LUC7L2: variants seen among roughly 807,000 people sequenced by gnomAD.
LUC7L2 encodes putative RNA-binding protein Luc7-like 2.
Under a neutral mutation model 52.8 loss-of-function variants are expected in LUC7L2, and 25 were observed. The ratio of observed to expected loss-of-function variants is 0.47; its 90% CI spans 0.34 to 0.66. The LOEUF (loss-of-function observed/expected upper bound fraction) is 0.66, where lower values mean the gene tolerates loss of function less well. Ranked by LOEUF, LUC7L2 falls within the 30% of genes least tolerant of loss-of-function variation. The pLI is 0.01. For synonymous variants in LUC7L2, 144 were observed against 160.9 expected (o/e 0.89, Z 0.80); for missense variants, 328 against 497.8 (o/e 0.66, Z 3.25).
rs117320642 is a variant in LUC7L2 at position 139,376,828 on chromosome 7, G to A, written c.156+672G>A. On this transcript the variant is annotated intron_variant, in intron 2 of 9. Transcript: ENST00000354926. ...CATAGTTGCATCTGATGCTGGTGGG[G>A]AGCTAGTAGGGGCTAAACCTCGAGC... Among the ~76,000 whole-genome samples, 996 of 152,296 alleles carry A rather than the reference G, an allele frequency of 6.5e-3. 9 individuals are homozygous for A. The highest frequency in any genetic ancestry group is 0.012 in the Non-Finnish European group (815 of 68,018).
intron 2 of LUC7L2, chr7:139,392,475 C>G (rs1296091641): frequency 7.4e-6 from 3 of 406,722 alleles, no homozygotes; most frequent in African/African-American, 4.2e-5. Context: ...TTACCAGGAT[C>G]AGGTATAGTT....
Position 139,423,365 on chromosome 7 carries a change from C to G in LUC7L2, c.*1025C>G, listed in dbSNP as rs536000978. 2.5e-6 allele frequency: 1 copy of G among 398,842 alleles called. No individual in the cohort carries two copies. The highest frequency in any genetic ancestry group is 3.6e-5 in the East Asian group (1 of 28,072). 24.7% of individuals were successfully genotyped at this position (398,842 alleles called of 1,614,324 possible). A position where few individuals can be genotyped will look rare whatever the true frequency, so the allele number is the denominator to read the frequency against. ...CCACTTCAGGGTTGTTTGTAATGAC[C>G]GTTATAGAGAAGGGCTCGACCTGCA... On this transcript the variant is annotated 3_prime_UTR_variant, in exon 10 of 10. Transcript: ENST00000354926.
intron 2 of LUC7L2, among the ~76,000 whole-genome samples, chr7:139,389,123 T>G (rs1794322834): frequency 1.3e-5 from 2 of 152,056 alleles, no homozygotes; most frequent in Non-Finnish European, 2.9e-5. Flanking sequence ...TCTTCTAATT[T>G]GACCCCAGTG....
chr7:139,414,053 T>C (rs1437810292), intron 8 of LUC7L2, among the ~76,000 whole-genome samples: 1 of 152,226 alleles, frequency 6.6e-6, no homozygotes, highest in African/African-American at 2.4e-5. Flanking sequence ...GCCAGAAATT[T>C]AATTTCTATT....
chr7:139,359,698 G>T (rs917774368), upstream of LUC7L2: 4 of 398,122 alleles, frequency 1.0e-5, no homozygotes, highest in Non-Finnish European at 1.8e-5. Context: ...GCGCCTCGGG[G>T]CGGATCCGGC....
At chr7:139,377,449 G>A (rs778502922) in intron 2 of LUC7L2, among the ~76,000 whole-genome samples, 1 of 151,438 alleles carries the variant, frequency 6.6e-6, no homozygotes, top group South Asian at 2.1e-4. Context: ...GCTGGAGTGC[G>A]GTGGCATGAT....
chr7:139,358,948 G>C (rs6962053), upstream of LUC7L2: 58,924 of 152,342 alleles, frequency 0.39, 15,859 homozygotes, highest in African/African-American at 0.77. Flanking sequence ...CCCAAAGTGC[G>C]GGGTTTACAG....
intron 2 of LUC7L2, among the ~76,000 whole-genome samples, chr7:139,385,608 A>G (rs755131035): frequency 6.6e-5 from 10 of 152,282 alleles, no homozygotes; most frequent in Admixed American, 3.3e-4. Context: ...GAGGTGAACA[A>G]CTGTACCCAG....
At chr7:139,363,763 A>G (rs1450299678) in intron 1 of LUC7L2, among the ~76,000 whole-genome samples, 6 of 152,230 alleles carry the variant, frequency 3.9e-5, no homozygotes, top group African/African-American at 1.4e-4. Context: ...CAGTTTGAGA[A>G]TTGTCTGTGT....
chr7:139,385,949 C>A (rs994932379), intron 2 of LUC7L2, among the ~76,000 whole-genome samples: 5 of 152,118 alleles, frequency 3.3e-5, no homozygotes, highest in Non-Finnish European at 5.9e-5. Context: ...ATAAATACAT[C>A]ATTTGGAGGA....
At chr7:139,341,101 A>G (rs1798928784) in intron 1 of LUC7L2, 1 of 334,754 alleles carries the variant, frequency 3.0e-6, no homozygotes, top group South Asian at 9.0e-5. Flanking sequence ...GGCATCTTCA[A>G]TGACGCAGTG....
intron 9 of LUC7L2, among the ~76,000 whole-genome samples, chr7:139,419,371 T>C (rs1396976541): frequency 1.3e-5 from 2 of 152,134 alleles, no homozygotes; most frequent in Non-Finnish European, 2.9e-5. Flanking sequence ...AGAGTGAATA[T>C]CCTAGGCAAA....
intron 2 of LUC7L2, among the ~76,000 whole-genome samples, chr7:139,396,485 ATTGG>A (rs1226333382): frequency 1.6e-4 from 24 of 152,254 alleles, no homozygotes; most frequent in African/African-American, 5.5e-4. Flanking sequence ...AGTCTGACTC[ATTGG>A]AGTCCCTTCG....
upstream of LUC7L2, among the ~76,000 whole-genome samples, chr7:139,356,697 CTA>C (rs1348864169): frequency 6.6e-6 from 1 of 151,862 alleles, no homozygotes; most frequent in African/African-American, 2.4e-5. Flanking sequence ...CCACCCAACT[CTA>C]TTGTGGGGCA....
chr7:139,384,361 G>A (rs548262121), intron 2 of LUC7L2, among the ~76,000 whole-genome samples: 3 of 151,738 alleles, frequency 2.0e-5, no homozygotes, highest in African/African-American at 7.2e-5. Context: ...TGCCTCTCGG[G>A]TTCAACCGAT....
intron 1 of LUC7L2, among the ~76,000 whole-genome samples, chr7:139,354,230 A>AT (rs1359078362): frequency 2.6e-5 from 4 of 152,240 alleles, no homozygotes; most frequent in East Asian, 1.9e-4. Flanking sequence ...AAAAGTCAAA[A>AT]TTTTTTTAAA....
intron 1 of LUC7L2, chr7:139,375,151 A>C: frequency 7.1e-6 from 7 of 983,752 alleles, no homozygotes; most frequent in Non-Finnish European, 8.4e-6. Flanking sequence ...AGAGATTCTA[A>C]GCAAAAAAAT....
At chr7:139,406,892 T>C (rs1298011219) in intron 5 of LUC7L2, among the ~76,000 whole-genome samples, 3 of 152,032 alleles carry the variant, frequency 2.0e-5, no homozygotes, top group Non-Finnish European at 2.9e-5. Context: ...CATTGATTTC[T>C]GTTCATGTTT....
intron 1 of LUC7L2, chr7:139,375,821 AT>A: frequency 2.5e-6 from 1 of 401,562 alleles, no homozygotes; most frequent in African/African-American, 2.1e-5. Flanking sequence ...GAAGTACTCT[AT>A]TTAACAGAAT....
Sources: allele counts gnomAD v4.1 joint callset (sites outside exome capture counted in the v4.1 genomes callset), GRCh38; gene constraint gnomAD v4.1.1; transcripts MANE v1.5; gene names NCBI Gene and HGNC (gene_info 2026-07-23, HGNC 2026-07-21).